Variants in PCDH7 observed in about 807,000 individuals in gnomAD.
PCDH7 encodes the protein protocadherin 7, also known as protocadherin-7.
Under a neutral mutation model 58.9 loss-of-function variants are expected in PCDH7, and 17 were observed. That is an observed-to-expected ratio of 0.29 (90% CI 0.20 to 0.43). The LOEUF (loss-of-function observed/expected upper bound fraction) is 0.43, where lower values mean the gene tolerates loss of function less well. Among genes scored for constraint, PCDH7 ranks in the 20% least tolerant of loss-of-function variants. PCDH7 has a pLI of 1.00. For missense variants in PCDH7, 1,274 were observed against 1,441.0 expected, an observed-to-expected ratio of 0.88 and a Z score of 1.88; for synonymous variants, 664 against 616.4, an observed-to-expected ratio of 1.08 and a Z score of -1.14.
At chr4:30,768,815 G>T (rs2109276430) in intron 1 of PCDH7, among the ~76,000 whole-genome samples, 1 of 152,220 alleles carries the variant, frequency 6.6e-6, no homozygotes, top group African/African-American at 2.4e-5. Context: ...TACACAAAAA[G>T]TAAGGACCAA....
chr4:30,933,666 T>C (rs1243940455), intron 2 of PCDH7, among the ~76,000 whole-genome samples: 2 of 152,328 alleles, frequency 1.3e-5, no homozygotes, highest in Non-Finnish European at 2.9e-5. Context: ...TCTCTAAACA[T>C]TCACCAACTA....
At chr4:31,032,899 A>G (rs901872126) in intron 3 of PCDH7, among the ~76,000 whole-genome samples, 1 of 152,280 alleles carries the variant, frequency 6.6e-6, no homozygotes, top group South Asian at 2.1e-4. Context: ...AATAAGGAAT[A>G]GATTTTGTGC....
intron 3 of PCDH7, among the ~76,000 whole-genome samples, chr4:31,086,339 G>A (rs888082574): frequency 2.0e-5 from 3 of 152,074 alleles, no homozygotes; most frequent in African/African-American, 7.2e-5. Context: ...CTTTTCAGTC[G>A]ATGATGTCCC....
intron 3 of PCDH7, among the ~76,000 whole-genome samples, chr4:31,041,963 T>A (rs1333917757): frequency 4.6e-5 from 7 of 152,100 alleles, no homozygotes; most frequent in Non-Finnish European, 1.0e-4. Flanking sequence ...GGGGACAAAT[T>A]GTAGCAATGG....
intron 1 of PCDH7, among the ~76,000 whole-genome samples, chr4:30,910,539 C>A (rs1277075850): frequency 6.6e-6 from 1 of 152,020 alleles, no homozygotes; most frequent in Non-Finnish European, 1.5e-5. Flanking sequence ...TTTAAGCATC[C>A]AACAAACATA....
At chr4:30,861,141 C>G (rs1734145226) in intron 1 of PCDH7, among the ~76,000 whole-genome samples, 1 of 152,178 alleles carries the variant, frequency 6.6e-6, no homozygotes, top group Admixed American at 6.5e-5. Flanking sequence ...AGCTGTATTA[C>G]ATGACAGCCC....
At chr4:30,925,373 C>CAA (rs1743724156) in intron 2 of PCDH7, among the ~76,000 whole-genome samples, 1 of 152,148 alleles carries the variant, frequency 6.6e-6, no homozygotes, top group Non-Finnish European at 1.5e-5. Flanking sequence ...ATCTGTCAGG[C>CAA]AAAGTTGTCT....
chr4:30,760,496 G>A (rs1719881888), intron 1 of PCDH7, among the ~76,000 whole-genome samples: 1 of 152,068 alleles, frequency 6.6e-6, no homozygotes, highest in Admixed American at 6.6e-5. Context: ...CTTTAGCAAA[G>A]TCTCAAGATA....
chr4:30,871,851 A>G (rs1030217895), intron 1 of PCDH7, among the ~76,000 whole-genome samples: 5 of 151,394 alleles, frequency 3.3e-5, no homozygotes, highest in Admixed American at 3.3e-4. Flanking sequence ...GATGGTGGTG[A>G]CCCATCAATC....
At chr4:30,974,309 T>A (rs1327081057) in intron 3 of PCDH7, among the ~76,000 whole-genome samples, 1 of 141,742 alleles carries the variant, frequency 7.1e-6, no homozygotes, top group African/African-American at 2.7e-5. Flanking sequence ...AATGTATTTC[T>A]TCTCATGACC....
intron 3 of PCDH7, among the ~76,000 whole-genome samples, chr4:31,125,918 T>C (rs76040981): frequency 0.066 from 10,048 of 152,244 alleles, 380 homozygotes; most frequent in South Asian, 0.11. Flanking sequence ...TACATTTATG[T>C]CTTGTGGATC....
At chr4:31,007,586 G>GTTT (rs763499360) in intron 3 of PCDH7, among the ~76,000 whole-genome samples, 1 of 142,488 alleles carries the variant, frequency 7.0e-6, no homozygotes, top group Non-Finnish European at 1.5e-5. Flanking sequence ...TGGTTTTATG[G>GTTT]TTTTTTTTTT....
chr4:31,090,922 A>G (rs1713162828), intron 3 of PCDH7, among the ~76,000 whole-genome samples: 1 of 152,044 alleles, frequency 6.6e-6, no homozygotes, highest in Non-Finnish European at 1.5e-5. Context: ...ATGTATCTAC[A>G]TTTTTTAAAG....
intron 3 of PCDH7, among the ~76,000 whole-genome samples, chr4:31,095,807 C>T (rs966351340): frequency 6.6e-6 from 1 of 152,160 alleles, no homozygotes; most frequent in Non-Finnish European, 1.5e-5. Context: ...TGGGCTTTCT[C>T]TCTATAGTGT....
chr4:31,033,479 T>C (rs1169164655), intron 3 of PCDH7, among the ~76,000 whole-genome samples: 1 of 152,236 alleles, frequency 6.6e-6, no homozygotes, highest in Non-Finnish European at 1.5e-5. Flanking sequence ...GGACTATTTT[T>C]GCTGCAGAAT....
chr4:31,008,112 C>A (rs911949464), intron 3 of PCDH7, among the ~76,000 whole-genome samples: 2 of 151,826 alleles, frequency 1.3e-5, no homozygotes, highest in African/African-American at 2.4e-5. Flanking sequence ...AGACAGAAGG[C>A]AGACACTCTG....
chr4:31,052,607 A>T (rs1274600605), intron 3 of PCDH7, among the ~76,000 whole-genome samples: 1 of 152,186 alleles, frequency 6.6e-6, no homozygotes, highest in East Asian at 1.9e-4. Flanking sequence ...TAAGAAATAA[A>T]AATATAGTAA....
intron 1 of PCDH7, chr4:30,794,084 T>C (rs975549677): frequency 6.6e-6 from 1 of 152,152 alleles, no homozygotes; most frequent in Non-Finnish European, 1.5e-5. Context: ...TCAGATTCTG[T>C]GTGCTTGTCT....
At chr4:30,878,815 A>G (rs1736603736) in intron 1 of PCDH7, among the ~76,000 whole-genome samples, 1 of 152,012 alleles carries the variant, frequency 6.6e-6, no homozygotes. Flanking sequence ...GTGCCATTGC[A>G]CTCCAGCCTG....
Sources: gnomAD v4.1 joint callset for allele counts (sites outside exome capture counted in the v4.1 genomes callset) on GRCh38, gnomAD v4.1.1 for gene constraint, MANE v1.5 for transcripts, NCBI Gene and HGNC (gene_info 2026-07-23, HGNC 2026-07-21) for gene names.